The following RAB10 variants were observed in gnomAD, a reference collection of about 807,000 sequenced individuals.
RAB10 encodes the protein RAB10, member RAS oncogene family.
Under a neutral mutation model 25.7 loss-of-function variants are expected in RAB10, and 5 were observed. That is an observed-to-expected ratio of 0.19 (90% CI 0.10 to 0.41). RAB10 has a LOEUF of 0.41. Among genes scored for constraint, RAB10 ranks in the 10% least tolerant of loss-of-function variants. The pLI, the probability that RAB10 is intolerant of heterozygous loss-of-function variation, is 1.00. For missense variants in RAB10, 103 were observed against 245.8 expected, an observed-to-expected ratio of 0.42 and a Z score of 3.89; for synonymous variants, 89 against 86.4, an observed-to-expected ratio of 1.03 and a Z score of -0.16.
At chr2:26,040,854 T>G (rs1226253912) in intron 1 of RAB10, among the ~76,000 whole-genome samples, 1 of 152,178 alleles carries the variant, frequency 6.6e-6, no homozygotes, top group Non-Finnish European at 1.5e-5. Context: ...GACTACTGTA[T>G]TTGAATTTTT....
intron 1 of RAB10, among the ~76,000 whole-genome samples, chr2:26,037,433 G>T (rs1279993665): frequency 6.6e-6 from 1 of 152,082 alleles, no homozygotes; most frequent in African/African-American, 2.4e-5. Flanking sequence ...GAGGTCGGAA[G>T]TTCGAGACCA....
At chr2:26,120,221 T>A (rs1667772779) in intron 3 of RAB10, among the ~76,000 whole-genome samples, 1 of 152,196 alleles carries the variant, frequency 6.6e-6, no homozygotes, top group Non-Finnish European at 1.5e-5. Context: ...GTGTTTAGGA[T>A]GTGGGTAGAT....
intron 1 of RAB10, among the ~76,000 whole-genome samples, chr2:26,082,642 T>C (rs544320779): frequency 3.3e-5 from 5 of 152,132 alleles, no homozygotes; most frequent in South Asian, 2.1e-4. Context: ...GAAAGAAACC[T>C]CAGGCCCAAA....
Position 26,051,885 on chromosome 2 carries a change from C to T in RAB10, c.127+17150C>T, listed in dbSNP as rs537584372. On this transcript the variant is annotated intron_variant, in intron 1 of 5. Transcript: ENST00000264710. ...CAGCCTGACCAACATGGTGAAACCC[C>T]GTCTCTACTAAAAATACAAAAATTA... Among the ~76,000 whole-genome samples the T allele has an allele frequency of 2.0e-5, 3 of 151,474 alleles. No individual in the cohort carries two copies. In the East Asian group the frequency reaches 5.8e-4, roughly 30 times the overall value.
At position 26,035,542 on chromosome 2, in the gene RAB10, C is replaced by T. The variant is rs141197479; in HGVS notation, c.127+807C>T. Among the ~76,000 whole-genome samples, 362 of 152,234 alleles carry T rather than the reference C, an allele frequency of 2.4e-3. 3 individuals carry two copies. The highest frequency in any genetic ancestry group is 8.4e-3 in the African/African-American group (348 of 41,542). On this transcript the variant is annotated intron_variant, in intron 1 of 5. Coordinates refer to ENST00000264710, the MANE Select transcript of RAB10 (RefSeq NM_016131.5). ...AGAGCTAAAGAGTGACCTTTTTAAT[C>T]GAATTTCCCGTTTAGGAAAGGAAAA...
intron 1 of RAB10, among the ~76,000 whole-genome samples, chr2:26,063,859 G>T (rs1379502814): frequency 6.6e-6 from 1 of 152,138 alleles, no homozygotes; most frequent in Non-Finnish European, 1.5e-5. Flanking sequence ...GTGCAGTGGC[G>T]TGACCTCAGC....
intron 1 of RAB10, among the ~76,000 whole-genome samples, chr2:26,078,175 TAAAAGA>T: frequency 6.6e-6 from 1 of 152,242 alleles, no homozygotes; most frequent in East Asian, 1.9e-4. Context: ...AAGGAAATTT[TAAAAGA>T]TCTAAGTAAA....
chr2:26,124,339 G>A (rs750033773), intron 3 of RAB10, among the ~76,000 whole-genome samples: 15 of 137,928 alleles, frequency 1.1e-4, no homozygotes, highest in Admixed American at 2.3e-4. Context: ...TGAAGTAACC[G>A]CAGCCATTTG....
chr2:26,057,194 AG>A (rs1440529436), intron 1 of RAB10, among the ~76,000 whole-genome samples: 1 of 152,182 alleles, frequency 6.6e-6, no homozygotes, highest in Admixed American at 6.6e-5. Context: ...GGAGGTAAGG[AG>A]TAGAATCTAG....
At chr2:26,034,024 C>T (rs1665698078), upstream of RAB10, 2 of 399,254 alleles carry the variant, frequency 5.0e-6, no homozygotes, top group South Asian at 1.2e-4. Flanking sequence ...TGTGCGCGTG[C>T]GCAGAGGCGG....
In RAB10 at chr2:26,127,132, A is replaced by T; in HGVS notation, c.328-12A>T. On this transcript the variant is annotated splice_polypyrimidine_tract_variant and intron_variant, in intron 3 of 5. Coordinates refer to ENST00000264710, the MANE Select transcript of RAB10 (RefSeq NM_016131.5). ...TGGTAGTATGTAAAAGTAAAATTTTATTTCATTTTAGCATGCCAATGAAGA... is the reference window on the plus strand; with the variant it reads ...TGGTAGTATGTAAAAGTAAAATTTTTTTTCATTTTAGCATGCCAATGAAGA... 6.3e-7 allele frequency: 1 copy of T among 1,579,756 alleles called. No homozygotes were observed. Among genetic ancestry groups the T allele is most frequent in the Admixed American group, 1.9e-5 (1 of 51,644 alleles).
At chr2:26,048,238 G>T (rs1430369173) in intron 1 of RAB10, among the ~76,000 whole-genome samples, 1 of 152,138 alleles carries the variant, frequency 6.6e-6, no homozygotes, top group East Asian at 1.9e-4. Context: ...AACTGCAATT[G>T]TTGGGTCACA....
At chr2:26,035,630 A>G (rs1243491581) in intron 1 of RAB10, among the ~76,000 whole-genome samples, 2 of 152,234 alleles carry the variant, frequency 1.3e-5, no homozygotes, top group African/African-American at 4.8e-5. Flanking sequence ...ATTGACGCTA[A>G]TTGTGCTATA....
intron 1 of RAB10, among the ~76,000 whole-genome samples, chr2:26,088,448 A>T (rs1029123350): frequency 6.6e-6 from 1 of 152,194 alleles, no homozygotes; most frequent in Non-Finnish European, 1.5e-5. Context: ...TTTCTGTGCT[A>T]ATTTAGCAAA....
chr2:26,096,425 G>C (rs1667220876), intron 1 of RAB10, among the ~76,000 whole-genome samples: 1 of 80,702 alleles, frequency 1.2e-5, no homozygotes, highest in Admixed American at 1.3e-4. Context: ...TGGATGGCTG[G>C]CTGGCTGGAT....
chr2:26,118,777 C>T (rs1357400521), intron 3 of RAB10, among the ~76,000 whole-genome samples: 2 of 152,132 alleles, frequency 1.3e-5, no homozygotes, highest in Non-Finnish European at 2.9e-5. Context: ...ATGCACCTCT[C>T]TGTATTAGTA....
At chr2:26,075,054 G>A (rs993294920) in intron 1 of RAB10, among the ~76,000 whole-genome samples, 1 of 152,102 alleles carries the variant, frequency 6.6e-6, no homozygotes, top group African/African-American at 2.4e-5. Context: ...AAGATTAATT[G>A]GTAGCTCTTG....
At chr2:26,099,499 C>G (rs1259288889) in intron 2 of RAB10, among the ~76,000 whole-genome samples, 1 of 144,098 alleles carries the variant, frequency 6.9e-6, no homozygotes, top group Non-Finnish European at 1.5e-5. Flanking sequence ...ACTGTGCTTT[C>G]TGTCACTGTA....
intron 1 of RAB10, among the ~76,000 whole-genome samples, chr2:26,080,270 A>G (rs1666838573): frequency 6.6e-6 from 1 of 152,234 alleles, no homozygotes; most frequent in African/African-American, 2.4e-5. Flanking sequence ...ACAACTTGCA[A>G]AAGCAGAATT....
Sources: allele counts gnomAD v4.1 joint callset (sites outside exome capture counted in the v4.1 genomes callset), GRCh38; gene constraint gnomAD v4.1.1; transcripts MANE v1.5; gene names NCBI Gene and HGNC (gene_info 2026-07-23, HGNC 2026-07-21).